ASB3: variants seen among roughly 807,000 people sequenced by gnomAD.
ASB3 encodes ankyrin repeat and SOCS box containing 3.
Under a neutral mutation model 54.5 loss-of-function variants are expected in ASB3, and 41 were observed. The ratio of observed to expected loss-of-function variants is 0.75; its 90% CI spans 0.59 to 0.98. The LOEUF (loss-of-function observed/expected upper bound fraction) is 0.98. ASB3 is among the 50% of genes least tolerant of loss of function. The pLI is 0.00. For missense variants in ASB3, 733 were observed against 620.0 expected (o/e 1.18, Z -1.94); for synonymous variants, 266 against 221.2 (o/e 1.20, Z -1.80).
chr2:53,781,272 C>T (rs895295899), intron 1 of ASB3, among the ~76,000 whole-genome samples: 3 of 151,798 alleles, frequency 2.0e-5, no homozygotes, highest in East Asian at 3.9e-4. Context: ...ATTAGCCAGG[C>T]GTGGTGGTGC....
chr2:53,743,352 AT>A (rs1436092180), intron 3 of ASB3, among the ~76,000 whole-genome samples: 1 of 152,272 alleles, frequency 6.6e-6, no homozygotes, highest in East Asian at 1.9e-4. Flanking sequence ...TAGTACTGCC[AT>A]AGGTCCTGTT....
intron 9 of ASB3, among the ~76,000 whole-genome samples, chr2:53,680,570 T>C (rs1005198846): frequency 1.3e-5 from 2 of 152,228 alleles, no homozygotes; most frequent in African/African-American, 4.8e-5. Context: ...TTTTTATTTT[T>C]AAAACTTTTT....
At chr2:53,773,906 A>G (rs1482033955) in intron 1 of ASB3, among the ~76,000 whole-genome samples, 5 of 151,986 alleles carry the variant, frequency 3.3e-5, no homozygotes, top group Admixed American at 6.5e-5. Flanking sequence ...ATGGTGGTGC[A>G]TTCCTGTAAT....
chr2:53,739,385 T>C (rs549842465), intron 3 of ASB3, among the ~76,000 whole-genome samples: 1 of 152,330 alleles, frequency 6.6e-6, no homozygotes, highest in South Asian at 2.1e-4. Context: ...GGGAGAAATA[T>C]GGTAGACCTA....
At chr2:53,679,925 G>A (rs1668276180) in intron 9 of ASB3, among the ~76,000 whole-genome samples, 1 of 152,032 alleles carries the variant, frequency 6.6e-6, no homozygotes, top group Non-Finnish European at 1.5e-5. Flanking sequence ...CACAGTGTCT[G>A]TTGTTCCCTT....
At chr2:53,731,674 G>A (rs924729490) in intron 3 of ASB3, among the ~76,000 whole-genome samples, 4 of 151,906 alleles carry the variant, frequency 2.6e-5, no homozygotes, top group African/African-American at 9.7e-5. Context: ...CTTTTTTTGA[G>A]ACAAGCCTCG....
At chr2:53,737,011 A>G (rs975499108) in intron 3 of ASB3, among the ~76,000 whole-genome samples, 7 of 152,210 alleles carry the variant, frequency 4.6e-5, no homozygotes, top group Non-Finnish European at 1.0e-4. Flanking sequence ...GTCTAAAAGA[A>G]GATATTGATT....
intron 1 of ASB3, among the ~76,000 whole-genome samples, chr2:53,768,574 G>A (rs980985744): frequency 1.3e-5 from 2 of 152,064 alleles, no homozygotes; most frequent in East Asian, 3.8e-4. Context: ...CAAAATTTTC[G>A]CTGGTTATTA....
At chr2:53,687,776 A>C (rs1192596397) in intron 9 of ASB3, among the ~76,000 whole-genome samples, 3 of 152,130 alleles carry the variant, frequency 2.0e-5, no homozygotes, top group Non-Finnish European at 4.4e-5. Flanking sequence ...CACTCATATA[A>C]ATACTCTTAC....
At chr2:53,755,979 C>CT (rs1672796277) in intron 2 of ASB3, among the ~76,000 whole-genome samples, 1 of 119,828 alleles carries the variant, frequency 8.3e-6, no homozygotes, top group African/African-American at 3.8e-5. Flanking sequence ...ATAGTAAGAC[C>CT]CCCCCCCCAC....
intron 3 of ASB3, among the ~76,000 whole-genome samples, chr2:53,736,343 C>T (rs563977881): frequency 6.6e-6 from 1 of 152,068 alleles, no homozygotes; most frequent in African/African-American, 2.4e-5. Flanking sequence ...AGTAAGTATC[C>T]GGCAGGGATG....
At chr2:53,745,028 A>T (rs1306006462) in intron 3 of ASB3, among the ~76,000 whole-genome samples, 1 of 152,238 alleles carries the variant, frequency 6.6e-6, no homozygotes, top group African/African-American at 2.4e-5. Context: ...GTCCTATGAA[A>T]TCACACTAGT....
intron 4 of ASB3, 65 bp from the exon 5 acceptor site, chr2:53,728,912 T>C (rs1025183987): frequency 2.0e-6 from 3 of 1,484,694 alleles, no homozygotes; most frequent in Non-Finnish European, 2.7e-6. Flanking sequence ...TCTTTCTTCT[T>C]ACTGTGTTTT....
chr2:53,712,989 A>C (rs1461749575), intron 7 of ASB3, among the ~76,000 whole-genome samples: 1 of 152,174 alleles, frequency 6.6e-6, no homozygotes, highest in African/African-American at 2.4e-5. Context: ...AGTTATACAT[A>C]AAGTGGGCCC....
chr2:53,769,850 A>G (rs564230394), intron 1 of ASB3, among the ~76,000 whole-genome samples: 12 of 152,358 alleles, frequency 7.9e-5, no homozygotes, highest in African/African-American at 2.9e-4. Flanking sequence ...CTCAAAAAAA[A>G]AGAGCTAAAA....
chr2:53,688,726 T>G (rs62139836), intron 9 of ASB3, among the ~76,000 whole-genome samples: 3 of 151,306 alleles, frequency 2.0e-5, no homozygotes, highest in Non-Finnish European at 2.9e-5. Flanking sequence ...TAAGTGGGAG[T>G]TGAACAATGA....
At chr2:53,736,308 C>A (rs190277048) in intron 3 of ASB3, among the ~76,000 whole-genome samples, 158 of 152,284 alleles carry the variant, frequency 1.0e-3, no homozygotes, top group Non-Finnish European at 1.0e-4. Context: ...ACACCACCCA[C>A]CAGAATATTT....
intron 9 of ASB3, among the ~76,000 whole-genome samples, chr2:53,674,849 G>C (rs910439386): frequency 6.6e-6 from 1 of 152,092 alleles, no homozygotes; most frequent in African/African-American, 2.4e-5. Context: ...AACACAAAAA[G>C]CAAGTACCTG....
intron 6 of ASB3, among the ~76,000 whole-genome samples, chr2:53,715,428 T>G (rs1488199750): frequency 6.6e-6 from 1 of 152,172 alleles, no homozygotes; most frequent in Non-Finnish European, 1.5e-5. Flanking sequence ...AGATAACATT[T>G]AAGTAGAACT....
Sources: allele counts gnomAD v4.1 joint callset (sites outside exome capture counted in the v4.1 genomes callset), GRCh38; gene constraint gnomAD v4.1.1; transcripts MANE v1.5; gene names NCBI Gene and HGNC (gene_info 2026-07-23, HGNC 2026-07-21).